DOK6: variants seen among roughly 807,000 people sequenced by gnomAD.
DOK6 encodes the protein downstream of tyrosine kinase 6.
DOK6 carries 22 observed loss-of-function variants against 44.0 expected under a neutral mutation model. That is an observed-to-expected ratio of 0.50 (90% confidence interval 0.36 to 0.71). The LOEUF (loss-of-function observed/expected upper bound fraction) is 0.71. Among genes scored for constraint, DOK6 ranks in the 30% least tolerant of loss-of-function variants. The pLI is 0.00. For synonymous variants in DOK6, 166 were observed against 145.5 expected, an observed-to-expected ratio of 1.14 and a Z score of -1.01; for missense variants, 340 against 416.4, an observed-to-expected ratio of 0.82 and a Z score of 1.60.
intron 2 of DOK6, among the ~76,000 whole-genome samples, chr18:69,597,815 G>A (rs1477264456): frequency 6.6e-6 from 1 of 152,174 alleles, no homozygotes; most frequent in Non-Finnish European, 1.5e-5. Flanking sequence ...CTCTGCACAT[G>A]CACATGTCTA....
intron 3 of DOK6, among the ~76,000 whole-genome samples, chr18:69,615,614 G>T (rs1458744861): frequency 1.3e-5 from 2 of 152,170 alleles, no homozygotes; most frequent in Non-Finnish European, 2.9e-5. Context: ...AATGTAATGA[G>T]ACTTTAAATT....
chr18:69,722,012 T>C (rs1240589182), intron 5 of DOK6, among the ~76,000 whole-genome samples: 1 of 152,202 alleles, frequency 6.6e-6, no homozygotes, highest in Non-Finnish European at 1.5e-5. Flanking sequence ...TGTATGGATT[T>C]GGAATATTAT....
intron 7 of DOK6, among the ~76,000 whole-genome samples, chr18:69,801,823 C>T (rs1205302082): frequency 6.6e-6 from 1 of 152,158 alleles, no homozygotes; most frequent in African/African-American, 2.4e-5. Flanking sequence ...CTCCTTATCT[C>T]TGCTGTAGGT....
chr18:69,568,817 T>A (rs1983048216), intron 2 of DOK6, among the ~76,000 whole-genome samples: 1 of 151,812 alleles, frequency 6.6e-6, no homozygotes, highest in Non-Finnish European at 1.5e-5. Context: ...ATGAAAGGGA[T>A]ACAGGCTGTG....
intron 7 of DOK6, among the ~76,000 whole-genome samples, chr18:69,783,935 T>C (rs1439175075): frequency 1.3e-5 from 2 of 152,238 alleles, no homozygotes; most frequent in Non-Finnish European, 2.9e-5. Context: ...GGTTTATGCC[T>C]GTAATCCCAG....
intron 3 of DOK6, among the ~76,000 whole-genome samples, chr18:69,633,164 T>C (rs1984728191): frequency 6.6e-6 from 1 of 152,240 alleles, no homozygotes; most frequent in Non-Finnish European, 1.5e-5. Flanking sequence ...AATGTCCTTG[T>C]AAGAATAACA....
At chr18:69,596,220 G>T (rs1316881085) in intron 2 of DOK6, among the ~76,000 whole-genome samples, 2 of 152,052 alleles carry the variant, frequency 1.3e-5, no homozygotes, top group African/African-American at 2.4e-5. Context: ...TCCCAAATTG[G>T]ATTGGCCCCA....
At chr18:69,612,414 C>A (rs1380128920) in intron 3 of DOK6, among the ~76,000 whole-genome samples, 1 of 146,480 alleles carries the variant, frequency 6.8e-6, no homozygotes, top group Non-Finnish European at 1.5e-5. Flanking sequence ...TGCGAGGGCG[C>A]ATGTGTGCGA....
chr18:69,751,948 T>G (rs1979194426), intron 6 of DOK6, among the ~76,000 whole-genome samples: 1 of 152,164 alleles, frequency 6.6e-6, no homozygotes. Flanking sequence ...TTATATAATT[T>G]TAGGAGAGAA....
intron 1 of DOK6, among the ~76,000 whole-genome samples, chr18:69,498,207 T>C (rs1156837113): frequency 2.0e-5 from 3 of 152,138 alleles, no homozygotes; most frequent in Non-Finnish European, 4.4e-5. Flanking sequence ...AATTATTTGA[T>C]TTCATTCCAA....
rs78095666 is a variant in DOK6, at chr18:69,405,405, C to G, written c.66+4095C>G. 2.4e-4 allele frequency among the ~76,000 whole-genome samples: 36 copies of G among 152,070 alleles called. No homozygotes were observed. The East Asian group carries it at 4.9e-3, about 21-fold the overall frequency. On this transcript the variant is annotated intron_variant, in intron 1 of 7. Coordinates refer to ENST00000382713, the MANE Select transcript of DOK6 (RefSeq NM_152721.6). ...GAGGCTGAGGCAACATGGTGAAACC[C>G]CATCTCTACTAAAAATTACAGAAAG...
At chr18:69,748,448 C>T (rs891201819) in intron 6 of DOK6, among the ~76,000 whole-genome samples, 48 of 152,046 alleles carry the variant, frequency 3.2e-4, no homozygotes, top group African/African-American at 1.1e-3. Flanking sequence ...ATGGCACTTA[C>T]TCTAAAATTT....
chr18:69,446,094 A>G (rs980764115), intron 1 of DOK6, among the ~76,000 whole-genome samples: 2 of 151,950 alleles, frequency 1.3e-5, no homozygotes, highest in Admixed American at 6.6e-5. Flanking sequence ...TCTAGGGTAC[A>G]TGTGCACAAC....
intron 1 of DOK6, among the ~76,000 whole-genome samples, chr18:69,528,671 T>G (rs1421683872): frequency 6.6e-6 from 1 of 152,234 alleles, no homozygotes; most frequent in Non-Finnish European, 1.5e-5. Flanking sequence ...TTTAATAAAA[T>G]GTATCTCCAT....
Position 69,746,288 on chromosome 18 carries a change from A to G in DOK6, c.738+7185A>G, listed in dbSNP as rs146003645. Among the ~76,000 whole-genome samples, 58 of 152,288 alleles carry G rather than the reference A, an allele frequency of 3.8e-4. No homozygotes were observed. The East Asian group carries it at 0.01, about 27-fold the overall frequency. On this transcript the variant is annotated intron_variant, in intron 6 of 7. Transcript: ENST00000382713. Reference sequence around the variant, plus strand: ...ATTATTTATTTATTTATTCATTTAGAGACAGAGTCTCACTGTTGCCCAGGA... The same window carrying G: ...ATTATTTATTTATTTATTCATTTAGGGACAGAGTCTCACTGTTGCCCAGGA...
In DOK6 at chr18:69,499,671, A is replaced by T. The variant is rs928984790; in HGVS notation, c.67-64816A>T. Among the ~76,000 whole-genome samples the T allele has an allele frequency of 3.9e-5, 6 of 151,936 alleles. 1 individual carries two copies. Among genetic ancestry groups the T allele is most frequent in the African/African-American group, 1.5e-4 (6 of 41,374 alleles). ...TCTGCAGCCCAGACTTCGGCTTCCTACTCCATATTCTTTGGTCCTAGCCTA... is the reference window on the plus strand; with the variant it reads ...TCTGCAGCCCAGACTTCGGCTTCCTTCTCCATATTCTTTGGTCCTAGCCTA... On this transcript the variant is annotated intron_variant, in intron 1 of 7. Transcript: ENST00000382713.
chr18:69,521,601 G>A (rs564630554), intron 1 of DOK6, among the ~76,000 whole-genome samples: 3 of 151,964 alleles, frequency 2.0e-5, no homozygotes, highest in African/African-American at 7.2e-5. Flanking sequence ...GGGGAATATC[G>A]ATTTGAGGAT....
chr18:69,531,126 C>G (rs1230985961), intron 1 of DOK6, among the ~76,000 whole-genome samples: 5 of 151,314 alleles, frequency 3.3e-5, no homozygotes, highest in Non-Finnish European at 5.9e-5. Context: ...TTTCTCCATC[C>G]CTTTATTTTG....
intron 3 of DOK6, among the ~76,000 whole-genome samples, chr18:69,674,876 C>A (rs1029836652): frequency 2.6e-5 from 4 of 152,124 alleles, no homozygotes; most frequent in African/African-American, 9.7e-5. Context: ...CCTCCTAGCA[C>A]AGTGCCTGGC....
Sources: gnomAD v4.1 joint callset for allele counts (sites outside exome capture counted in the v4.1 genomes callset) on GRCh38, gnomAD v4.1.1 for gene constraint, MANE v1.5 for transcripts, NCBI Gene and HGNC (gene_info 2026-07-23, HGNC 2026-07-21) for gene names.